ARHGEF4: variants seen among roughly 807,000 people sequenced by gnomAD.
ARHGEF4 encodes the protein Rho guanine nucleotide exchange factor 4.
Under a neutral mutation model 162.0 loss-of-function variants are expected in ARHGEF4, and 119 were observed. The ratio of observed to expected loss-of-function variants is 0.73; its 90% CI spans 0.63 to 0.86. ARHGEF4 has a LOEUF of 0.86. ARHGEF4 is among the 40% of genes least tolerant of loss of function. The pLI is 0.00. For synonymous variants in ARHGEF4, 1,014 were observed against 979.9 expected (o/e 1.03, Z -0.65); for missense variants, 2,488 against 2,456.0 (o/e 1.01, Z -0.28).
chr2:130,848,262 G>A (rs944959735), intron 1 of ARHGEF4, among the ~76,000 whole-genome samples: 1 of 152,190 alleles, frequency 6.6e-6, no homozygotes, highest in Non-Finnish European at 1.5e-5. Context: ...AGGGCCTCAG[G>A]CCAGGATCGC....
intron 1 of ARHGEF4, among the ~76,000 whole-genome samples, chr2:130,854,748 CAGGAAA>C (rs1238526634): frequency 6.6e-6 from 1 of 152,198 alleles, no homozygotes. Context: ...GGGATGTCAT[CAGGAAA>C]AGCAGGCCCC....
rs1044579086 is a variant in ARHGEF4 at position 131,042,499 on chromosome 2, C to T, written c.5025+555C>T. On this transcript the variant is annotated intron_variant, in intron 10 of 13. Coordinates refer to ENST00000409359, the MANE Select transcript of ARHGEF4 (RefSeq NM_001367493.1). ...AATCTGCCACCTCCTGATCTGTTCC[C>T]GAAGGCTCCCTACCCACATGGGTGC... Among the ~76,000 whole-genome samples, 4 of 152,230 alleles carry T rather than the reference C, an allele frequency of 2.6e-5. 1 individual carries two copies. The South Asian group carries it at 6.2e-4, about 24-fold the overall frequency.
At position 130,886,580 on chromosome 2, in the gene ARHGEF4, C is replaced by A. The variant is rs147918293; in HGVS notation, c.40-27406C>A. Among the ~76,000 whole-genome samples the A allele has an allele frequency of 4.0e-3, 613 of 151,434 alleles. 11 individuals carry two copies. The highest frequency in any genetic ancestry group is 0.014 in the African/African-American group (579 of 41,054). ...CCTGTAGTCCCAGCTACTTGGAAGG[C>A]TGAGTCAGGAGAATGGCGGGAACCC... is the stretch of plus-strand genomic sequence containing the variant. On this transcript the variant is annotated intron_variant, in intron 1 of 13. Coordinates refer to ENST00000409359, the MANE Select transcript of ARHGEF4 (RefSeq NM_001367493.1).
intron 3 of ARHGEF4, among the ~76,000 whole-genome samples, chr2:130,945,115 A>G (rs906926588): frequency 6.6e-6 from 1 of 152,054 alleles, no homozygotes; most frequent in Admixed American, 6.5e-5. Context: ...TCAGGGTCAG[A>G]TCCACTCATA....
chr2:130,914,721 C>A lies in ARHGEF4; in HGVS notation c.775C>A (p.Leu259Met). 1 of 1,410,410 alleles carries A rather than the reference C, an allele frequency of 7.1e-7. No homozygotes were observed. Among genetic ancestry groups the A allele is most frequent in the East Asian group, 2.6e-5 (1 of 39,178 alleles). 87.4% of individuals were successfully genotyped at this position (1,410,410 alleles called of 1,614,324 possible). A position where few individuals can be genotyped will look rare whatever the true frequency, so the allele number is the denominator to read the frequency against. The stretch of plus-strand genomic sequence containing the variant: ...ACTGGTGCTACCTAGCAGAGGCCCA[C>A]TGGACAACACAGCCCCTCTGGGGAC... ...RALVLPSRGP[L>M]DNTAPLGTRT... The change falls in exon 2 of 14, where the codon CTG (leucine) becomes ATG (methionine). Residue 259 changes from leucine (L) to methionine (M), a missense_variant. Physicochemically the swap from Leu to Met is conservative, Grantham distance 15 (BLOSUM62 2). Coordinates refer to ENST00000409359, the MANE Select transcript of ARHGEF4 (RefSeq NM_001367493.1).
chr2:130,979,306 A>C (rs1685955409), intron 4 of ARHGEF4, among the ~76,000 whole-genome samples: 1 of 152,220 alleles, frequency 6.6e-6, no homozygotes, highest in East Asian at 1.9e-4. Context: ...AGGAAGCTAA[A>C]CACCACCTCA....
At chr2:130,913,122 G>C (rs574699700) in intron 1 of ARHGEF4, among the ~76,000 whole-genome samples, 11 of 152,232 alleles carry the variant, frequency 7.2e-5, no homozygotes, top group African/African-American at 2.2e-4. Context: ...TGTGGATAAG[G>C]GTGGCTACTG....
chr2:130,969,393 C>T (rs1011149587), intron 4 of ARHGEF4, among the ~76,000 whole-genome samples: 3 of 151,966 alleles, frequency 2.0e-5, no homozygotes, highest in Admixed American at 6.5e-5. Flanking sequence ...ATCAGGAGAG[C>T]GAGACCATCC....
At chr2:130,906,693 G>C (rs1225400974) in intron 1 of ARHGEF4, among the ~76,000 whole-genome samples, 1 of 152,234 alleles carries the variant, frequency 6.6e-6, no homozygotes, top group Non-Finnish European at 1.5e-5. Flanking sequence ...CTAAAGTACA[G>C]CGTTCAAAGT....
At position 131,045,371 on chromosome 2, in the gene ARHGEF4, T is replaced by G. The variant is rs1487473870; in HGVS notation, c.5404T>G (p.Phe1802Val). 1 of 1,612,906 alleles carries G rather than the reference T, an allele frequency of 6.2e-7. No homozygotes were observed. Among genetic ancestry groups the G allele is most frequent in the Non-Finnish European group, 8.5e-7 (1 of 1,179,694 alleles). The change falls in exon 13 of 14, where the codon TTC becomes GTC. Residue 1802 changes from phenylalanine to valine, a missense_variant and splice_region_variant. Phe to Val is a conservative substitution (Grantham distance 50, BLOSUM62 -1). This residue lies in a region of ARHGEF4 where 415 missense variants were observed against 512.4 expected (regional missense o/e 0.81). Transcript: ENST00000409359. ...EQVQLDQETG[F>V]SITELQRKQA... The stretch of plus-strand genomic sequence containing the variant: ...CCTCACCTGTGCCCCTTCCTCAGGC[T>G]TCTCCATCACTGAACTGCAGAGGAA...
At position 131,040,176 on chromosome 2, in the gene ARHGEF4, T is replaced by C; in HGVS notation, c.4466T>C (p.Leu1489Pro). 6.2e-7 allele frequency: 1 copy of C among 1,610,948 alleles called. No individual in the cohort carries two copies. Among genetic ancestry groups the C allele is most frequent in the Non-Finnish European group, 8.5e-7 (1 of 1,178,022 alleles). Residue 1489 changes from leucine to proline, a missense_variant, in exon 7 of 14, where the codon CTG becomes CCG. By Grantham distance (98) the Leu-to-Pro change is moderately conservative. Around this residue, in one of 6 missense-constraint regions of ARHGEF4, gnomAD observed 174 missense variants for 148.3 expected, o/e 1.17. Transcript: ENST00000409359. ...LSTERDYIKH[L>P]RDICEGYVRQ... ...ACTGAGCGGGACTACATCAAGCACCTGCGCGACATCTGCGAGGTGAGGCCC... is the reference window on the plus strand; with the variant it reads ...ACTGAGCGGGACTACATCAAGCACCCGCGCGACATCTGCGAGGTGAGGCCC...
chr2:130,980,156 G>GAT (rs1558800617), intron 4 of ARHGEF4, among the ~76,000 whole-genome samples: 2 of 152,120 alleles, frequency 1.3e-5, no homozygotes, highest in African/African-American at 2.4e-5. Context: ...CAGCAATTTG[G>GAT]GATGCCGAGG....
At position 131,042,100 on chromosome 2, in the gene ARHGEF4, G is replaced by C. The variant is rs947198820; in HGVS notation, c.5025+156G>C. ...CATGGTGTGAAAGCCTGTCCCCAGC[G>C]TGGGCTCTGGACCTTTGCTGCTGCC... On this transcript the variant is annotated intron_variant, in intron 10 of 13. Coordinates refer to ENST00000409359, the MANE Select transcript of ARHGEF4 (RefSeq NM_001367493.1). Among the ~76,000 whole-genome samples, 3 of 152,250 alleles carry C rather than the reference G, an allele frequency of 2.0e-5. No homozygotes were observed. In the East Asian group the frequency reaches 5.8e-4, roughly 29 times the overall value.
chr2:130,876,622 G>A (rs905443004), intron 1 of ARHGEF4, among the ~76,000 whole-genome samples: 1 of 152,164 alleles, frequency 6.6e-6, no homozygotes, highest in African/African-American at 2.4e-5. Flanking sequence ...TCGATCTCCT[G>A]ACCTTGTGAT....
rs370676397 is a variant in ARHGEF4, at chr2:130,980,290, G to A, written c.3985+33655G>A. Among the ~76,000 whole-genome samples the A allele has an allele frequency of 1.5e-4, 23 of 152,032 alleles. No homozygotes were observed. The South Asian group carries it at 3.3e-3, about 22-fold the overall frequency. On this transcript the variant is annotated intron_variant, in intron 4 of 13. Coordinates refer to ENST00000409359, the MANE Select transcript of ARHGEF4 (RefSeq NM_001367493.1). Reference sequence around the variant, plus strand: ...TGGGTGCCTGTGGTCCCAGCTACTTGGGAGGCTGAGGCAGGAGAATCACTT... The same window carrying A: ...TGGGTGCCTGTGGTCCCAGCTACTTAGGAGGCTGAGGCAGGAGAATCACTT...
chr2:130,915,419 C>T lies in ARHGEF4; in HGVS notation c.1473C>T (p.His491=). Residue 491 remains histidine (H), a synonymous_variant, in exon 2 of 14, where the codon CAC becomes CAT. Transcript: ENST00000409359. The part of the protein sequence containing the change: ...RAADERETQK[H]LWGISVQAGN... ...CTGATGAGAGAGAGACACAGAAGCA[C>T]CTCTGGGGCATTTCTGTCCAGGCAG... is the stretch of plus-strand genomic sequence containing the variant. The T allele has an allele frequency of 6.4e-7, 1 of 1,550,578 alleles. No individual in the cohort carries two copies. Among genetic ancestry groups the T allele is most frequent in the Middle Eastern group, 1.7e-4 (1 of 5,992 alleles).
intron 1 of ARHGEF4, among the ~76,000 whole-genome samples, chr2:130,891,072 A>C (rs372013030): frequency 6.6e-6 from 1 of 152,182 alleles, no homozygotes; most frequent in African/African-American, 2.4e-5. Context: ...TCCACAGCAC[A>C]CAATGTAGAC....
chr2:130,917,544 A>AT lies in ARHGEF4; in HGVS notation c.3552+46_3552+47insT, dbSNP rs1321114307. On this transcript the variant is annotated intron_variant, in intron 2 of 13. Transcript: ENST00000409359. ...AAGCCTTTCCTGACCTCTGCAGGCA[A>AT]GAGAAGGAGGGGAGCAGGCGGGAAT... is the stretch of plus-strand genomic sequence containing the variant. 4.7e-6 allele frequency: 7 copies of AT among 1,498,978 alleles called. No homozygotes were observed. In the African/African-American group the frequency reaches 9.8e-5, roughly 21 times the overall value. The allele number at this position is 1,498,978 out of a possible 1,614,324, so 92.9% of individuals were successfully genotyped here. A position where few individuals can be genotyped will look rare whatever the true frequency, so the allele number is the denominator to read the frequency against.
chr2:130,910,835 A>G (rs993698267), intron 1 of ARHGEF4, among the ~76,000 whole-genome samples: 1 of 152,230 alleles, frequency 6.6e-6, no homozygotes, highest in African/African-American at 2.4e-5. Context: ...GATAACTAAC[A>G]CATACTTCTA....
Sources: gnomAD v4.1 joint callset for allele counts (sites outside exome capture counted in the v4.1 genomes callset) on GRCh38, gnomAD v4.1.1 for gene constraint, gnomAD v4.1.1 regional missense constraint, MANE v1.5 for transcripts, NCBI Gene and HGNC (gene_info 2026-07-23, HGNC 2026-07-21) for gene names.